The following ADGRV1 variants were observed in gnomAD, a reference collection of about 807,000 sequenced individuals.
The protein encoded by ADGRV1 is adhesion G protein-coupled receptor V1, also known as G-protein coupled receptor 98.
In ADGRV1, 359 loss-of-function variants were observed where a neutral mutation model predicts 596.2. The ratio of observed to expected loss-of-function variants is 0.60; its 90% confidence interval spans 0.55 to 0.66. The LOEUF is 0.66. Ranked by LOEUF, ADGRV1 falls within the 30% of genes least tolerant of loss-of-function variation. The pLI, the probability that ADGRV1 is intolerant of heterozygous loss-of-function variation, is 0.00. For synonymous variants in ADGRV1, 2,681 were observed against 2,679.2 expected, an observed-to-expected ratio of 1.00 and a Z score of -0.02; for missense variants, 7,274 against 7,575.6, an observed-to-expected ratio of 0.96 and a Z score of 1.48.
In ADGRV1 at chr5:90,642,962, A is replaced by C. The variant is rs374034519; in HGVS notation, c.2474A>C (p.Asn825Thr). Residue 825 changes from asparagine (N) to threonine (T), a missense_variant, in exon 13 of 90, where the codon AAC becomes ACC. This residue lies in a region of ADGRV1 where 1,715 missense variants were observed against 1,708.8 expected (regional missense o/e 1.00). Coordinates refer to ENST00000405460, the MANE Select transcript of ADGRV1 (RefSeq NM_032119.4). ...EPRDSNEFYG[N>T]TGVLEFKPGE... ...AGAGATAGCAATGAATTCTATGGAA[A>C]CACGGGAGTACTAGAATTTAAACCT... 2 of 1,613,664 alleles carry C rather than the reference A, an allele frequency of 1.2e-6. No homozygotes were observed.
At chr5:90,609,518 AT>A (rs35424289) in intron 1 of ADGRV1, among the ~76,000 whole-genome samples, 21 of 149,102 alleles carry the variant, frequency 1.4e-4, no homozygotes, top group African/African-American at 2.7e-4. Flanking sequence ...GGCAAAGATC[AT>A]TTTTTTTTTG....
intron 85 of ADGRV1, among the ~76,000 whole-genome samples, chr5:91,049,580 A>T (rs1786131902): frequency 6.6e-6 from 1 of 152,222 alleles, no homozygotes; most frequent in African/African-American, 2.4e-5. Context: ...CCTTTATATT[A>T]ATTCAAAATC....
chr5:91,045,609 G>T (rs907222748), intron 85 of ADGRV1, among the ~76,000 whole-genome samples: 20 of 151,746 alleles, frequency 1.3e-4, no homozygotes, highest in Non-Finnish European at 2.7e-4. Context: ...GTTGAGAACT[G>T]CAATAAGACA....
chr5:90,676,896 G>A (rs1294950121), intron 25 of ADGRV1: 1 of 152,140 alleles, frequency 6.6e-6, no homozygotes, highest in Admixed American at 6.6e-5. Flanking sequence ...TGATTATCAA[G>A]GGTTATTGGA....
intron 32 of ADGRV1, 137 bp downstream of exon 32, chr5:90,692,923 G>A: frequency 1.6e-6 from 1 of 620,934 alleles, no homozygotes; most frequent in Non-Finnish European, 2.7e-6. Context: ...TTATTTTAAT[G>A]TGTTAACTGA....
chr5:91,069,928 C>CACAAAAA (rs1554213800), intron 85 of ADGRV1, among the ~76,000 whole-genome samples: 1 of 136,876 alleles, frequency 7.3e-6, no homozygotes, highest in Non-Finnish European at 1.6e-5. Flanking sequence ...AATGTAGCCA[C>CACAAAAA]AAAAAAAAAA....
chr5:91,151,993 G>A (rs938822050), intron 88 of ADGRV1, among the ~76,000 whole-genome samples: 1 of 152,226 alleles, frequency 6.6e-6, no homozygotes, highest in African/African-American at 2.4e-5. Context: ...TTGATAGGCA[G>A]TAGCTGTAAC....
At chr5:91,044,608 A>G (rs1344279540) in intron 85 of ADGRV1, among the ~76,000 whole-genome samples, 2 of 152,152 alleles carry the variant, frequency 1.3e-5, no homozygotes, top group Admixed American at 6.6e-5. Flanking sequence ...AAAAATGGAG[A>G]ATGTCAGTAA....
chr5:90,688,249 A>G (rs547499848), intron 29 of ADGRV1, among the ~76,000 whole-genome samples: 10 of 152,206 alleles, frequency 6.6e-5, no homozygotes, highest in Admixed American at 1.3e-4. Context: ...CCGCATATCT[A>G]CAACTATCTG....
At position 90,737,045 on chromosome 5, in the gene ADGRV1, A is replaced by G. The variant is rs550440363; in HGVS notation, c.10549+7281A>G. ...CTATTTCCTTTAGTTGTAATATTAG[A>G]CCATTTATTTGAGATTTTATTTCTT... is the stretch of plus-strand genomic sequence containing the variant. On this transcript the variant is annotated intron_variant, in intron 50 of 89. Coordinates refer to ENST00000405460, the MANE Select transcript of ADGRV1 (RefSeq NM_032119.4). 2.0e-5 allele frequency among the ~76,000 whole-genome samples: 3 copies of G among 151,558 alleles called. No homozygotes were observed. The East Asian group carries it at 5.8e-4, about 29-fold the overall frequency.
chr5:90,641,482 T>C (rs1326567296), intron 11 of ADGRV1, among the ~76,000 whole-genome samples: 2 of 152,324 alleles, frequency 1.3e-5, no homozygotes, highest in East Asian at 1.9e-4. Context: ...CTTATGTGGA[T>C]ATAAGAAATT....
chr5:91,027,144 AACAC>A (rs1184010778), intron 85 of ADGRV1, among the ~76,000 whole-genome samples: 2,288 of 129,190 alleles, frequency 0.018, 27 homozygotes, highest in Admixed American at 0.029. Context: ...ACAGTCTCAA[AACAC>A]ACACACACAC....
At chr5:90,838,653 T>C (rs1765172943) in intron 77 of ADGRV1, among the ~76,000 whole-genome samples, 2 of 152,148 alleles carry the variant, frequency 1.3e-5, no homozygotes, top group Admixed American at 1.3e-4. Context: ...CCACCATTCA[T>C]TATCCATTTA....
At chr5:90,734,000 C>G (rs1009079377) in intron 50 of ADGRV1, among the ~76,000 whole-genome samples, 1 of 152,126 alleles carries the variant, frequency 6.6e-6, no homozygotes, top group African/African-American at 2.4e-5. Flanking sequence ...GATTCCGCAA[C>G]TAGTGAGATC....
At chr5:90,641,276 A>T (rs1764540367) in intron 11 of ADGRV1, among the ~76,000 whole-genome samples, 1 of 152,238 alleles carries the variant, frequency 6.6e-6, no homozygotes, top group South Asian at 2.1e-4. Flanking sequence ...GCAATCAATT[A>T]TCTGAACGGT....
chr5:90,778,809 A>G (rs774162528), intron 63 of ADGRV1, 56 bp from the exon 64 acceptor site: 67 of 1,395,640 alleles, frequency 4.8e-5, no homozygotes, highest in Non-Finnish European at 6.4e-5. Context: ...AGTTACAGAC[A>G]GTATTGTCTG....
intron 21 of ADGRV1, among the ~76,000 whole-genome samples, chr5:90,658,677 A>AT (rs4019486): frequency 0.19 from 27,752 of 148,388 alleles, 2,740 homozygotes; most frequent in African/African-American, 0.26. Context: ...TGATTTTTTG[A>AT]TTTTTTTTTT....
chr5:91,163,057 A>G (rs1374338333), intron 89 of ADGRV1, among the ~76,000 whole-genome samples: 1 of 152,202 alleles, frequency 6.6e-6, no homozygotes, highest in Non-Finnish European at 1.5e-5. Context: ...AGAAATATGA[A>G]AGAAAAAGAA....
intron 59 of ADGRV1, among the ~76,000 whole-genome samples, chr5:90,771,050 C>T (rs932501730): frequency 1.3e-5 from 2 of 152,106 alleles, no homozygotes; most frequent in African/African-American, 4.8e-5. Context: ...ATACTATTGA[C>T]ATTTCTTCAT....
Sources: gnomAD v4.1 joint callset for allele counts (sites outside exome capture counted in the v4.1 genomes callset) on GRCh38, gnomAD v4.1.1 for gene constraint, gnomAD v4.1.1 regional missense constraint, MANE v1.5 for transcripts, NCBI Gene and HGNC (gene_info 2026-07-23, HGNC 2026-07-21) for gene names.